VSNL1: variants seen among roughly 807,000 people sequenced by gnomAD.
VSNL1 encodes the protein visinin like 1.
A neutral mutation model predicts 20.4 loss-of-function variants in VSNL1; 6 were observed. The observed-to-expected ratio is 0.29, with a 90% CI of 0.16 to 0.58. The LOEUF (loss-of-function observed/expected upper bound fraction) is 0.58, where lower values mean the gene tolerates loss of function less well. VSNL1 is among the 20% of genes least tolerant of loss of function. The pLI is 0.90. For missense variants in VSNL1, 100 were observed against 234.5 expected (o/e 0.43, Z 3.75); for synonymous variants, 93 against 86.4 (o/e 1.08, Z -0.42).
At chr2:17,612,080 ACT>A (rs1227674700) in intron 2 of VSNL1, among the ~76,000 whole-genome samples, 105 of 152,104 alleles carry the variant, frequency 6.9e-4, no homozygotes, top group Non-Finnish European at 1.1e-3. Context: ...GTGTGCTCTC[ACT>A]CACACACATG....
chr2:17,595,937 T>G (rs1457121475), intron 2 of VSNL1, among the ~76,000 whole-genome samples: 1 of 152,250 alleles, frequency 6.6e-6, no homozygotes, highest in Non-Finnish European at 1.5e-5. Flanking sequence ...GTATTTTGAC[T>G]GCTGTATAAC....
rs1666205816 is a variant in VSNL1 at position 17,655,343 on chromosome 2, A to G, written c.525A>G (p.Ala175=). The change falls in exon 4 of 4, where the codon GCA becomes GCG. Residue 175 remains alanine (A), a synonymous_variant. Coordinates refer to ENST00000295156, the MANE Select transcript of VSNL1 (RefSeq NM_003385.5). The surrounding 1 kb of genome is among the most constrained non-coding windows in gnomAD (Gnocchi z 5.2). ...CACTGGATGAATTCAAAGAAGCTGC[A>G]AAGAGCGACCCTTCCATTGTATTAC... The part of the protein sequence containing the change: ...QITLDEFKEA[A]KSDPSIVLLL... 4 of 1,614,028 alleles carry G rather than the reference A, an allele frequency of 2.5e-6. No individual in the cohort carries two copies. The highest frequency in any genetic ancestry group is 2.2e-5 in the South Asian group (2 of 91,084).
intron 1 of VSNL1, among the ~76,000 whole-genome samples, chr2:17,564,108 G>A (rs905260305): frequency 2.0e-5 from 3 of 152,142 alleles, no homozygotes; most frequent in Non-Finnish European, 2.9e-5. Context: ...GAATTAGAAA[G>A]GAGAGGTTTC....
At chr2:17,592,324 T>G in intron 2 of VSNL1, 88 bp downstream of exon 2, 10 of 1,379,120 alleles carry the variant, frequency 7.3e-6, no homozygotes, top group Non-Finnish European at 7.0e-6. Flanking sequence ...ATTATAACTC[T>G]AAGTAGCTAG....
chr2:17,633,773 C>G (rs1217396253), intron 2 of VSNL1, among the ~76,000 whole-genome samples: 1 of 152,048 alleles, frequency 6.6e-6, no homozygotes, highest in Admixed American at 6.6e-5. Flanking sequence ...TGTCATTGCT[C>G]AGAGGGGAAG....
chr2:17,640,514 G>A (rs1308925922), intron 2 of VSNL1, among the ~76,000 whole-genome samples: 2 of 152,140 alleles, frequency 1.3e-5, no homozygotes, highest in Non-Finnish European at 2.9e-5. Flanking sequence ...ATCATGTGGG[G>A]CTCATATAAT....
chr2:17,551,450 C>T (rs1417966998), intron 1 of VSNL1, among the ~76,000 whole-genome samples: 1 of 152,110 alleles, frequency 6.6e-6, no homozygotes, highest in Non-Finnish European at 1.5e-5. Context: ...CCCAAGATAT[C>T]ATCTTGGAAT....
At chr2:17,630,111 A>C (rs2710679) in intron 2 of VSNL1, among the ~76,000 whole-genome samples, 107,663 of 152,226 alleles carry the variant, frequency 0.71, 39,687 homozygotes, top group Middle Eastern at 0.89. Flanking sequence ...GAGAAAATAG[A>C]TTCTCAATCT....
At chr2:17,570,101 GTTTTCT>G (rs1412045163) in intron 1 of VSNL1, among the ~76,000 whole-genome samples, 2 of 152,172 alleles carry the variant, frequency 1.3e-5, no homozygotes, top group Non-Finnish European at 2.9e-5. Flanking sequence ...CTGACTGGTA[GTTTTCT>G]TCATGAAATA....
At chr2:17,558,945 T>C (rs1053084665) in intron 1 of VSNL1, among the ~76,000 whole-genome samples, 1 of 152,122 alleles carries the variant, frequency 6.6e-6, no homozygotes, top group Non-Finnish European at 1.5e-5. Context: ...TATTTCTCAC[T>C]CATATAAAGA....
At position 17,651,110 on chromosome 2, in the gene VSNL1, A is replaced by G. The variant is rs558153720; in HGVS notation, c.378+1485A>G. ...GCTCCCTACAGAGTAGGTTTTTCCAAGTTTTTTCTCCTCTTTGACTTCTTG... is the reference window on the plus strand; with the variant it reads ...GCTCCCTACAGAGTAGGTTTTTCCAGGTTTTTTCTCCTCTTTGACTTCTTG... On this transcript the variant is annotated intron_variant, in intron 3 of 3. Coordinates refer to ENST00000295156, the MANE Select transcript of VSNL1 (RefSeq NM_003385.5). Among the ~76,000 whole-genome samples the G allele has an allele frequency of 3.3e-5, 5 of 152,078 alleles. No individual in the cohort carries two copies. In the East Asian group the frequency reaches 9.7e-4, roughly 29 times the overall value.
chr2:17,554,051 T>A (rs560536436), intron 1 of VSNL1, among the ~76,000 whole-genome samples: 8 of 152,266 alleles, frequency 5.3e-5, no homozygotes, highest in African/African-American at 1.9e-4. Context: ...TGTAGAACAA[T>A]GGGTAGATGA....
chr2:17,585,800 C>CTTTTTTTTT (rs1383820699), intron 1 of VSNL1, among the ~76,000 whole-genome samples: 1 of 148,292 alleles, frequency 6.7e-6, no homozygotes, highest in Non-Finnish European at 1.5e-5. Flanking sequence ...TCTTGGAATT[C>CTTTTTTTTT]TTTTTTTCTT....
intron 2 of VSNL1, among the ~76,000 whole-genome samples, chr2:17,645,683 G>A (rs1176903589): frequency 6.6e-6 from 1 of 152,154 alleles, no homozygotes; most frequent in Non-Finnish European, 1.5e-5. Flanking sequence ...GCAGAGTGGG[G>A]CCCACTGTCT....
chr2:17,647,859 C>T (rs955400282), intron 2 of VSNL1, among the ~76,000 whole-genome samples: 1 of 151,888 alleles, frequency 6.6e-6, no homozygotes, highest in Non-Finnish European at 1.5e-5. Context: ...GCACCCAAGA[C>T]GAGGCCCGAC....
At chr2:17,565,410 T>A (rs1371858534) in intron 1 of VSNL1, among the ~76,000 whole-genome samples, 3 of 152,152 alleles carry the variant, frequency 2.0e-5, no homozygotes, top group Non-Finnish European at 4.4e-5. Context: ...CTCAAAGCAA[T>A]CATTCTATTT....
intron 2 of VSNL1, among the ~76,000 whole-genome samples, chr2:17,645,689 T>A (rs551099481): frequency 2.6e-5 from 4 of 152,294 alleles, no homozygotes; most frequent in African/African-American, 9.6e-5. Context: ...TGGGGCCCAC[T>A]GTCTGTAGAA....
intron 1 of VSNL1, among the ~76,000 whole-genome samples, chr2:17,572,955 A>G (rs573113785): frequency 3.9e-5 from 6 of 152,192 alleles, no homozygotes; most frequent in Non-Finnish European, 8.8e-5. Context: ...TTCATTCATC[A>G]TCCATTCATT....
intron 1 of VSNL1, 148 bp from the exon 2 acceptor site, chr2:17,591,922 T>A: frequency 1.3e-6 from 1 of 743,556 alleles, no homozygotes. Flanking sequence ...GAATACCAAG[T>A]AGAAGGAGGC....
Sources: allele counts gnomAD v4.1 joint callset (sites outside exome capture counted in the v4.1 genomes callset), GRCh38; gene constraint gnomAD v4.1.1; non-coding constraint Gnocchi (gnomAD v3.1); transcripts MANE v1.5; gene names NCBI Gene and HGNC (gene_info 2026-07-23, HGNC 2026-07-21).